The following MAMDC2 variants were observed in gnomAD, a reference collection of about 807,000 sequenced individuals.
MAMDC2 encodes MAM domain containing 2.
Under a neutral mutation model 89.8 loss-of-function variants are expected in MAMDC2, and 57 were observed. The ratio of observed to expected loss-of-function variants is 0.63; its 90% CI spans 0.51 to 0.79. MAMDC2 has a LOEUF of 0.79. Among genes scored for constraint, MAMDC2 ranks in the 30% least tolerant of loss-of-function variants. The pLI, the probability that MAMDC2 is intolerant of heterozygous loss-of-function variation, is 0.00. For missense variants in MAMDC2, 800 were observed against 820.6 expected (o/e 0.97, Z 0.31); for synonymous variants, 313 against 293.4 (o/e 1.07, Z -0.68).
At chr9:70,135,348 A>G (rs2030962894) in intron 7 of MAMDC2, among the ~76,000 whole-genome samples, 1 of 152,104 alleles carries the variant, frequency 6.6e-6, no homozygotes, top group Non-Finnish European at 1.5e-5. Context: ...GCTTGAAGCA[A>G]AGCCTCTGCA....
At chr9:70,181,691 T>C (rs1444554785) in intron 11 of MAMDC2, among the ~76,000 whole-genome samples, 5 of 152,170 alleles carry the variant, frequency 3.3e-5, no homozygotes, top group Admixed American at 2.6e-4. Context: ...CTTGTGATTT[T>C]TGCACATTGA....
At chr9:70,204,542 TAC>T (rs1213022309) in intron 11 of MAMDC2, among the ~76,000 whole-genome samples, 1 of 150,088 alleles carries the variant, frequency 6.7e-6, no homozygotes, top group African/African-American at 2.4e-5. Flanking sequence ...AGGTGGAGCC[TAC>T]AGAGGCAGGC....
chr9:70,137,096 T>C (rs947255192), intron 7 of MAMDC2, among the ~76,000 whole-genome samples: 2 of 152,158 alleles, frequency 1.3e-5, no homozygotes, highest in Non-Finnish European at 1.5e-5. Flanking sequence ...TCTAGTTATA[T>C]AGGAACACTT....
chr9:70,081,170 G>A (rs1176686328), intron 2 of MAMDC2, among the ~76,000 whole-genome samples: 2 of 152,274 alleles, frequency 1.3e-5, no homozygotes, highest in East Asian at 3.9e-4. Context: ...GGAAGGGGAA[G>A]AAGGGCAGGC....
In MAMDC2 at chr9:70,218,327, TC is replaced by T; in HGVS notation, c.1652-9del. The T allele has an allele frequency of 6.3e-7, 1 of 1,590,654 alleles. No homozygotes were observed. Among genetic ancestry groups the T allele is most frequent in the South Asian group, 1.1e-5 (1 of 88,172 alleles). ...TTTTTAACAATACCTGCTTTTGCATTCACCTCAAGGCTACTACATGTACATT... is the reference window on the plus strand; with the variant it reads ...TTTTTAACAATACCTGCTTTTGCATTACCTCAAGGCTACTACATGTACATT... On this transcript the variant is annotated splice_polypyrimidine_tract_variant and intron_variant, in intron 11 of 13. Transcript: ENST00000377182.
At chr9:70,176,140 C>T (rs923229214) in intron 11 of MAMDC2, among the ~76,000 whole-genome samples, 2 of 152,192 alleles carry the variant, frequency 1.3e-5, no homozygotes, top group African/African-American at 4.8e-5. Flanking sequence ...CCCTGTCCTG[C>T]TCCTCATGTC....
Position 70,203,159 on chromosome 9 carries a change from T to C in MAMDC2, c.1652-15178T>C, listed in dbSNP as rs573391930. 2.6e-5 allele frequency among the ~76,000 whole-genome samples: 4 copies of C among 151,496 alleles called. No homozygotes were observed. The East Asian group carries it at 7.8e-4, about 30-fold the overall frequency. Reference sequence around the variant, plus strand: ...CAGTTTCTTCCTAGTCTTGATGGTCTTTACATTTTGGCATGATTTTGCAGC... The same window carrying C: ...CAGTTTCTTCCTAGTCTTGATGGTCCTTACATTTTGGCATGATTTTGCAGC... On this transcript the variant is annotated intron_variant, in intron 11 of 13. Transcript: ENST00000377182.
At chr9:70,207,170 G>GTAT (rs2033243861) in intron 11 of MAMDC2, among the ~76,000 whole-genome samples, 1 of 152,174 alleles carries the variant, frequency 6.6e-6, no homozygotes, top group South Asian at 2.1e-4. Context: ...GGATCAAATG[G>GTAT]TATTTCTAGT....
intron 11 of MAMDC2, among the ~76,000 whole-genome samples, chr9:70,205,117 C>T (rs998301071): frequency 6.6e-6 from 1 of 152,172 alleles, no homozygotes; most frequent in Admixed American, 6.5e-5. Flanking sequence ...CTGACATTGC[C>T]AGATTCTACT....
rs1393898321 is a variant in MAMDC2 at position 70,155,813 on chromosome 9, C to T, written c.1404+11994C>T. On this transcript the variant is annotated intron_variant, in intron 9 of 13. Transcript: ENST00000377182. ...AAAGTATATCTCATTGATCTTGTTG[C>T]AGAAATCATTATACATACCCAGGAA... 3.9e-5 allele frequency among the ~76,000 whole-genome samples: 6 copies of T among 152,220 alleles called. No individual in the cohort carries two copies. In the East Asian group the frequency reaches 9.6e-4, roughly 24 times the overall value.
intron 5 of MAMDC2, 101 bp from the exon 6 acceptor site, chr9:70,126,058 A>G (rs1927112): frequency 0.94 from 1,218,482 of 1,300,012 alleles, 571,352 homozygotes; most frequent in East Asian, 1. Flanking sequence ...CACCATTCCC[A>G]CTGGATTATT....
chr9:70,119,374 C>T (rs1287143288), intron 5 of MAMDC2, among the ~76,000 whole-genome samples: 1 of 152,138 alleles, frequency 6.6e-6, no homozygotes, highest in East Asian at 1.9e-4. Flanking sequence ...CTCTCCATGA[C>T]TCGTGACACT....
chr9:70,045,960 T>C (rs1826739783), intron 2 of MAMDC2, among the ~76,000 whole-genome samples: 1 of 152,216 alleles, frequency 6.6e-6, no homozygotes, highest in African/African-American at 2.4e-5. Flanking sequence ...CTTGATTTAT[T>C]ATTCGAGGGA....
intron 11 of MAMDC2, among the ~76,000 whole-genome samples, chr9:70,185,985 T>A (rs561373003): frequency 6.6e-6 from 1 of 152,350 alleles, no homozygotes; most frequent in East Asian, 1.9e-4. Context: ...AGACCAGAGC[T>A]GTTCCTATTT....
intron 2 of MAMDC2, among the ~76,000 whole-genome samples, chr9:70,063,422 G>A (rs1176332874): frequency 1.3e-5 from 2 of 152,160 alleles, no homozygotes; most frequent in African/African-American, 4.8e-5. Flanking sequence ...GAGAGATGGA[G>A]TGAGCATAGT....
intron 11 of MAMDC2, among the ~76,000 whole-genome samples, chr9:70,205,931 C>G (rs1045895063): frequency 2.0e-5 from 3 of 152,112 alleles, no homozygotes; most frequent in African/African-American, 7.2e-5. Flanking sequence ...AGTGGCTCTG[C>G]GTGAAGTTCT....
intron 11 of MAMDC2, among the ~76,000 whole-genome samples, chr9:70,206,124 T>C (rs1328668568): frequency 6.6e-6 from 1 of 152,220 alleles, no homozygotes; most frequent in Non-Finnish European, 1.5e-5. Flanking sequence ...CTTTATGGAA[T>C]AGACATAAAG....
At chr9:70,067,158 G>A (rs543600471) in intron 2 of MAMDC2, among the ~76,000 whole-genome samples, 65 of 152,320 alleles carry the variant, frequency 4.3e-4, no homozygotes, top group African/African-American at 1.0e-3. Context: ...TTTCCAAGTC[G>A]GGGAAAGAGG....
At chr9:70,114,725 C>G (rs1207674969) in intron 5 of MAMDC2, among the ~76,000 whole-genome samples, 2 of 152,068 alleles carry the variant, frequency 1.3e-5, no homozygotes, top group African/African-American at 4.8e-5. Flanking sequence ...TCCTCTATGG[C>G]CCCTTCCCAG....
Sources: allele counts gnomAD v4.1 joint callset (sites outside exome capture counted in the v4.1 genomes callset), GRCh38; gene constraint gnomAD v4.1.1; transcripts MANE v1.5; gene names NCBI Gene and HGNC (gene_info 2026-07-23, HGNC 2026-07-21).